Variants in FOXN3 observed in about 807,000 individuals in gnomAD.
FOXN3 encodes the protein forkhead box N3, also known as forkhead box protein N3.
Under a neutral mutation model 38.4 loss-of-function variants are expected in FOXN3, and 7 were observed. That is an observed-to-expected ratio of 0.18 (90% CI 0.10 to 0.34). The LOEUF (loss-of-function observed/expected upper bound fraction) is 0.34, where lower values mean the gene tolerates loss of function less well. FOXN3 is among the 10% of genes least tolerant of loss of function. The pLI, the probability that FOXN3 is intolerant of heterozygous loss-of-function variation, is 1.00. For missense variants in FOXN3, 456 were observed against 613.4 expected, an observed-to-expected ratio of 0.74 and a Z score of 2.71; for synonymous variants, 230 against 242.2, an observed-to-expected ratio of 0.95 and a Z score of 0.47.
At chr14:89,448,436 C>A (rs1892553371) in intron 1 of FOXN3, among the ~76,000 whole-genome samples, 1 of 152,000 alleles carries the variant, frequency 6.6e-6, no homozygotes, top group South Asian at 2.1e-4. Flanking sequence ...CGAACACCCA[C>A]ATGCACCCTC....
chr14:89,276,767 T>C (rs1396896155), intron 4 of FOXN3, among the ~76,000 whole-genome samples: 1 of 152,032 alleles, frequency 6.6e-6, no homozygotes, highest in Non-Finnish European at 1.5e-5. Context: ...GAGCTAGAAA[T>C]AAAAGCAGGC....
intron 3 of FOXN3, among the ~76,000 whole-genome samples, chr14:89,308,536 G>C (rs1226247163): frequency 6.6e-6 from 1 of 152,164 alleles, no homozygotes; most frequent in Non-Finnish European, 1.5e-5. Flanking sequence ...TGAAGTTGCG[G>C]GTCTTTGGGA....
chr14:89,217,640 T>C (rs926117984), intron 4 of FOXN3, among the ~76,000 whole-genome samples: 1 of 152,224 alleles, frequency 6.6e-6, no homozygotes, highest in East Asian at 1.9e-4. Context: ...CCCTAGTTCA[T>C]AGGGAGGTGG....
chr14:89,545,317 T>C (rs559152121), intron 1 of FOXN3, among the ~76,000 whole-genome samples: 1 of 152,354 alleles, frequency 6.6e-6, no homozygotes, highest in South Asian at 2.1e-4. Context: ...CATTCGTCGA[T>C]ACGGGGGCCA....
At chr14:89,381,095 T>TCATGC (rs1350316181) in intron 2 of FOXN3, among the ~76,000 whole-genome samples, 1 of 126,620 alleles carries the variant, frequency 7.9e-6, no homozygotes, top group African/African-American at 3.0e-5. Flanking sequence ...TGAGCCAAGA[T>TCATGC]CATGCCATTG....
intron 1 of FOXN3, among the ~76,000 whole-genome samples, chr14:89,488,171 C>T (rs535088916): frequency 1.3e-5 from 2 of 151,686 alleles, no homozygotes; most frequent in East Asian, 1.9e-4. Flanking sequence ...CAACCTCTGC[C>T]TCCCTGGTTC....
intron 4 of FOXN3, among the ~76,000 whole-genome samples, chr14:89,199,016 C>T (rs541622394): frequency 6.6e-6 from 1 of 152,320 alleles, no homozygotes; most frequent in Non-Finnish European, 1.5e-5. Context: ...AAGAGCCATA[C>T]CCTTTGGCTT....
At chr14:89,572,087 A>G (rs372658503) in intron 1 of FOXN3, among the ~76,000 whole-genome samples, 10 of 152,236 alleles carry the variant, frequency 6.6e-5, no homozygotes, top group African/African-American at 2.2e-4. Flanking sequence ...CCATTACTCC[A>G]TATCTATTAT....
intron 2 of FOXN3, among the ~76,000 whole-genome samples, chr14:89,391,312 A>G (rs1479628169): frequency 6.6e-6 from 1 of 152,264 alleles, no homozygotes; most frequent in Non-Finnish European, 1.5e-5. Context: ...AAGTGCCTTC[A>G]GATGTTTAGT....
At chr14:89,596,685 A>G (rs1455447678) in intron 1 of FOXN3, among the ~76,000 whole-genome samples, 2 of 152,174 alleles carry the variant, frequency 1.3e-5, no homozygotes, top group Non-Finnish European at 2.9e-5. Context: ...GAAACTTTGT[A>G]ATTACATATT....
chr14:89,317,983 C>A (rs1422026740), intron 3 of FOXN3, among the ~76,000 whole-genome samples: 1 of 150,860 alleles, frequency 6.6e-6, no homozygotes, highest in Non-Finnish European at 1.5e-5. Context: ...AAAACTATGT[C>A]CCCTACCACT....
At chr14:89,264,986 A>G (rs1210453767) in intron 4 of FOXN3, among the ~76,000 whole-genome samples, 1 of 152,182 alleles carries the variant, frequency 6.6e-6, no homozygotes, top group Non-Finnish European at 1.5e-5. Flanking sequence ...AGATGTTCAA[A>G]GAGCATGATA....
chr14:89,296,506 T>C (rs1167860170), intron 3 of FOXN3, among the ~76,000 whole-genome samples: 2 of 152,220 alleles, frequency 1.3e-5, no homozygotes, highest in Non-Finnish European at 2.9e-5. Flanking sequence ...ACAATTAGAA[T>C]GGTGGAGTTA....
intron 1 of FOXN3, among the ~76,000 whole-genome samples, chr14:89,416,143 A>C (rs1234385419): frequency 6.6e-6 from 1 of 151,926 alleles, no homozygotes; most frequent in African/African-American, 2.4e-5. Flanking sequence ...GCGCGCACGC[A>C]CGCGCTTCAC....
intron 4 of FOXN3, among the ~76,000 whole-genome samples, chr14:89,254,067 G>A (rs1188116467): frequency 6.6e-6 from 1 of 152,148 alleles, no homozygotes; most frequent in African/African-American, 2.4e-5. Context: ...AACCCCAGCT[G>A]TGTCACATAC....
intron 4 of FOXN3, among the ~76,000 whole-genome samples, chr14:89,192,714 T>C (rs1566925610): frequency 6.9e-6 from 1 of 145,790 alleles, no homozygotes; most frequent in East Asian, 2.0e-4. Flanking sequence ...TAATAGTTTA[T>C]ACTATTATAT....
At chr14:89,367,350 C>T (rs1890189427) in intron 2 of FOXN3, among the ~76,000 whole-genome samples, 1 of 152,220 alleles carries the variant, frequency 6.6e-6, no homozygotes, top group Non-Finnish European at 1.5e-5. Flanking sequence ...TGTCTAACAC[C>T]GACTGCACCC....
intron 2 of FOXN3, among the ~76,000 whole-genome samples, chr14:89,387,132 T>C (rs928686582): frequency 1.3e-5 from 2 of 152,136 alleles, no homozygotes; most frequent in African/African-American, 4.8e-5. Context: ...GTGGTGTACC[T>C]GTAGTCTCAG....
At position 89,278,541 on chromosome 14, in the gene FOXN3, G is replaced by A. The variant is rs558324899; in HGVS notation, c.745+2409C>T. 7.9e-5 allele frequency among the ~76,000 whole-genome samples: 12 copies of A among 152,144 alleles called. No homozygotes were observed. The East Asian group carries it at 1.5e-3, about 20-fold the overall frequency. On this transcript the variant is annotated intron_variant, in intron 4 of 5. Coordinates refer to ENST00000557258, the MANE Select transcript of FOXN3 (RefSeq NM_005197.4). ...TCCATAACTCATGATCCATAACCCC[G>A]GCTGGCTTCTGCTGGCCAGTCACTG... is the stretch of plus-strand genomic sequence containing the variant.
Sources: gnomAD v4.1 joint callset for allele counts (sites outside exome capture counted in the v4.1 genomes callset) on GRCh38, gnomAD v4.1.1 for gene constraint, MANE v1.5 for transcripts, NCBI Gene and HGNC (gene_info 2026-07-23, HGNC 2026-07-21) for gene names.